GGT1: variants seen among roughly 807,000 people sequenced by gnomAD.
The protein encoded by GGT1 is gamma-glutamyltransferase 1.
In GGT1, 21 loss-of-function variants were observed where a neutral mutation model predicts 56.0. The ratio of observed to expected loss-of-function variants is 0.38; its 90% CI spans 0.27 to 0.54. The LOEUF (loss-of-function observed/expected upper bound fraction) is 0.54, where lower values mean the gene tolerates loss of function less well. Ranked by LOEUF, GGT1 falls within the 20% of genes least tolerant of loss-of-function variation. GGT1 has a pLI of 0.82. For missense variants in GGT1, 466 were observed against 787.0 expected (o/e 0.59, Z 4.88); for synonymous variants, 238 against 342.6 (o/e 0.69, Z 3.37).
At chr22:24,610,844 A>T (rs1319522588) in intron 4 of GGT1, among the ~76,000 whole-genome samples, 2 of 150,620 alleles carry the variant, frequency 1.3e-5, no homozygotes, top group Non-Finnish European at 3.0e-5. Context: ...ATGGGCTCTG[A>T]AGATAAGCAG....
At chr22:24,626,947 A>T (rs28663139) in intron 11 of GGT1, among the ~76,000 whole-genome samples, 16,908 of 146,358 alleles carry the variant, frequency 0.12, 947 homozygotes, top group Middle Eastern at 0.16. Flanking sequence ...TTTAGGCCAC[A>T]TTCCAGGCTC....
chr22:24,622,579 A>G (rs557687725), intron 9 of GGT1, among the ~76,000 whole-genome samples: 4 of 152,226 alleles, frequency 2.6e-5, no homozygotes, highest in African/African-American at 9.6e-5. Context: ...ACAAAAAAAA[A>G]GTAGCAAAAC....
rs1009840399 is a variant in GGT1, at chr22:24,623,402, C to T, written c.883+146C>T. ...CGAGGTGTGTCCCTGCGTCACAGTT[C>T]ACCATGTCCTGAAGGAGGCAGTGCA... On this transcript the variant is annotated intron_variant, in intron 10 of 15. Transcript: ENST00000400382. 6.1e-6 allele frequency: 6 copies of T among 987,162 alleles called. 1 individual carries two copies. Among genetic ancestry groups the T allele is most frequent in the Non-Finnish European group, 9.2e-6 (6 of 655,316 alleles). 61.2% of individuals were successfully genotyped at this position (987,162 alleles called of 1,614,324 possible). A position where few individuals can be genotyped will look rare whatever the true frequency, so the allele number is the denominator to read the frequency against.
At chr22:24,599,018 C>T (rs563303461), upstream of GGT1, among the ~76,000 whole-genome samples, 2 of 152,358 alleles carry the variant, frequency 1.3e-5, no homozygotes, top group East Asian at 1.9e-4. Flanking sequence ...CCACCCACCT[C>T]GTCCTCCCAT....
At chr22:24,603,644 G>A (rs2045842593) in intron 1 of GGT1, 117 bp downstream of exon 1, 1 of 152,382 alleles carries the variant, frequency 6.6e-6, no homozygotes, top group African/African-American at 2.4e-5. Context: ...GGAGGGCTGG[G>A]GGGAGTCACC....
In GGT1 at chr22:24,627,189, A is replaced by G. The variant is rs549123383; in HGVS notation, c.1021-243A>G. ...CATGAAGGAATGAGTGATTGAATGC[A>G]GCAAGGGTCTGGAGGCTGAGGACCA... On this transcript the variant is annotated intron_variant, in intron 11 of 15. Transcript: ENST00000400382. 2,081 of 1,158,768 alleles carry G rather than the reference A, an allele frequency of 1.8e-3. 22 individuals are homozygous for G. In the South Asian group the frequency reaches 0.022, roughly 12 times the overall value. 71.8% of individuals were successfully genotyped at this position (1,158,768 alleles called of 1,614,324 possible).
rs375209500 is a variant in GGT1, at chr22:24,598,098, C to T, written c.-324+3212C>T. 4 of 152,326 alleles carry T rather than the reference C, an allele frequency of 2.6e-5. No homozygotes were observed. The South Asian group carries it at 8.3e-4, about 32-fold the overall frequency. 9.4% of individuals were successfully genotyped at this position (152,326 alleles called of 1,614,324 possible). A position where few individuals can be genotyped will look rare whatever the true frequency, so the allele number is the denominator to read the frequency against. ...TGTTTTATTTTATTTTCTCCTCAGA[C>T]ATACTTTATCATCCCTTAAAGTCAG... On this transcript the variant is annotated intron_variant, in intron 1 of 6. Coordinates refer to the GGT1 transcript ENST00000411974.
intron 11 of GGT1, among the ~76,000 whole-genome samples, chr22:24,625,643 G>A (rs1462764554): frequency 2.0e-5 from 3 of 151,778 alleles, no homozygotes; most frequent in Non-Finnish European, 4.4e-5. Flanking sequence ...CTGGGTTCAC[G>A]CCATTCTCCT....
At chr22:24,623,076 A>G in intron 9 of GGT1, 31 bp from the exon 10 acceptor site, 1 of 1,611,628 alleles carries the variant, frequency 6.2e-7, no homozygotes. Context: ...GCCCCATCCC[A>G]GCACCCATTT....
the GGT1 span, chr22:24,583,787 C>T: frequency 1.2e-3 from 566 of 471,180 alleles, 2 homozygotes; most frequent in African/African-American, 3.9e-3. Flanking sequence ...AACACCAGCT[C>T]GGGTCCTCGC....
At chr22:24,599,199 C>T (rs2045742914), upstream of GGT1, 1 of 152,134 alleles carries the variant, frequency 6.6e-6, no homozygotes, top group African/African-American at 2.4e-5. Context: ...AGGCAGCAGT[C>T]GCAGCCGGCC....
chr22:24,625,471 G>A (rs1302409288), intron 11 of GGT1, among the ~76,000 whole-genome samples: 1 of 152,022 alleles, frequency 6.6e-6, no homozygotes, highest in Non-Finnish European at 1.5e-5. Context: ...ACAGGGTCTT[G>A]CCCAGACTGG....
chr22:24,585,572 C>T, the GGT1 span: 2 of 423,542 alleles, frequency 4.7e-6, no homozygotes, highest in Admixed American at 4.1e-5. Context: ...CACCCTTTCT[C>T]CCCACCCCAG....
chr22:24,608,245 G>T (rs2046443570), intron 2 of GGT1, among the ~76,000 whole-genome samples: 1 of 152,196 alleles, frequency 6.6e-6, no homozygotes, highest in African/African-American at 2.4e-5. Flanking sequence ...CCGATCCGGG[G>T]ACATCTGCCT....
chr22:24,621,212 G>A (rs2047390446), intron 9 of GGT1, 142 bp downstream of exon 9: 14 of 1,450,022 alleles, frequency 9.7e-6, no homozygotes, highest in South Asian at 2.9e-5. Context: ...TGGCCATGTG[G>A]GTCCACAGCT....
At chr22:24,611,543 CATCTATCT>C (rs60405110) in intron 5 of GGT1, among the ~76,000 whole-genome samples, 15,937 of 118,752 alleles carry the variant, frequency 0.13, 962 homozygotes, top group East Asian at 0.2. Flanking sequence ...ATCTATCTAT[CATCTATCT>C]ATCTATCTAT....
chr22:24,589,094 A>C, the GGT1 span: 19 of 1,096,450 alleles, frequency 1.7e-5, no homozygotes, highest in Non-Finnish European at 2.1e-5. Flanking sequence ...CTGTGCAGAG[A>C]CCTGGGCATT....
upstream of GGT1, chr22:24,589,966 G>A: frequency 1.9e-6 from 3 of 1,572,124 alleles, no homozygotes; most frequent in Non-Finnish European, 2.6e-6. Flanking sequence ...GTGGTGAAGA[G>A]AGAGTTGAGT....
chr22:24,596,767 G>A lies in GGT1; in HGVS notation c.-324+1881G>A, dbSNP rs1340782733. On this transcript the variant is annotated intron_variant, in intron 1 of 6. Coordinates refer to the GGT1 transcript ENST00000411974. ...CAAAAAAAAAAAAAAAAAAAAATTA[G>A]CCTGGTGTGGTGACACATGCCTGTA... 3.4e-4 allele frequency among the ~76,000 whole-genome samples: 44 copies of A among 131,158 alleles called. No homozygotes were observed. In the Admixed American group the frequency reaches 3.4e-3, roughly 10 times the overall value. The allele number at this position is 131,158 out of a possible 152,430, so 86.0% of individuals were successfully genotyped here.
Sources: gnomAD v4.1 joint callset for allele counts (sites outside exome capture counted in the v4.1 genomes callset) on GRCh38, gnomAD v4.1.1 for gene constraint, MANE v1.5 for transcripts, NCBI Gene and HGNC (gene_info 2026-07-23, HGNC 2026-07-21) for gene names.